Variants in NCOR2 observed in about 807,000 individuals in gnomAD.
NCOR2 encodes nuclear receptor corepressor 2, also known as CTG repeat protein 26.
NCOR2 carries 81 observed loss-of-function variants against 262.9 expected under a neutral mutation model. The observed-to-expected ratio is 0.31, with a 90% CI of 0.26 to 0.37. The LOEUF (loss-of-function observed/expected upper bound fraction) is 0.37. Ranked by LOEUF, NCOR2 falls within the 10% of genes least tolerant of loss-of-function variation. The pLI is 1.00. For missense variants in NCOR2, 3,385 were observed against 3,621.4 expected (o/e 0.93, Z 1.68); for synonymous variants, 1,659 against 1,559.3 (o/e 1.06, Z -1.51).
Position 124,566,109 on chromosome 12 carries a change from C to T in NCOR2, c.-165+1199G>A, listed in dbSNP as rs1430008232. Among the ~76,000 whole-genome samples, 1 of 152,200 alleles carries T rather than the reference C, an allele frequency of 6.6e-6. No individual in the cohort carries two copies. Among genetic ancestry groups the T allele is most frequent in the Non-Finnish European group, 1.5e-5 (1 of 68,036 alleles). On this transcript the variant is annotated intron_variant, in intron 1 of 32. Coordinates refer to the NCOR2 transcript ENST00000458234. The surrounding 1 kb of genome is among the most constrained non-coding windows in gnomAD (Gnocchi z 4.3). ...CCCCCACCCCGCCCACAGGGTCCTC[C>T]CCTTATCCCCTCCTCCCCTCTTCCC...
intron 13 of NCOR2, among the ~76,000 whole-genome samples, chr12:124,409,189 A>G (rs1036843563): frequency 1.3e-5 from 2 of 152,196 alleles, no homozygotes; most frequent in African/African-American, 4.8e-5. Flanking sequence ...TGTAAATCCT[A>G]ATTCAGATCC....
intron 1 of NCOR2, among the ~76,000 whole-genome samples, chr12:124,501,412 A>C (rs2048727508): frequency 6.6e-6 from 1 of 151,668 alleles, no homozygotes; most frequent in African/African-American, 2.4e-5. Flanking sequence ...GGCTTCAAGC[A>C]ACAGAAATGG....
chr12:124,372,123 C>T, exon 20 of NCOR2: 1 of 1,602,050 alleles, frequency 6.2e-7, no homozygotes, highest in South Asian at 1.1e-5. Context: ...CTGTGGTGGC[C>T]CTGCCGCTCC....
In NCOR2 at chr12:124,454,997, C is replaced by A. The variant is rs911180318; in HGVS notation, c.762+2109G>T. ...AAAAGGAACGAAGGACCGACCCACG[C>A]TCGACACGGATGAACCTCGAAAACA... On this transcript the variant is annotated intron_variant, in intron 6 of 46. Coordinates refer to ENST00000405201, the Ensembl canonical transcript of NCOR2. The surrounding 1 kb of genome is among the most constrained non-coding windows in gnomAD (Gnocchi z 5.6). Among the ~76,000 whole-genome samples, 1 of 151,614 alleles carries A rather than the reference C, an allele frequency of 6.6e-6. No homozygotes were observed. The highest frequency in any genetic ancestry group is 2.4e-5 in the African/African-American group (1 of 41,390).
At position 124,369,476 on chromosome 12, in the gene NCOR2, GC is replaced by G. The variant is rs1566405936; in HGVS notation, c.2807+2545del. 5.3e-5 allele frequency among the ~76,000 whole-genome samples: 8 copies of G among 152,112 alleles called. No individual in the cohort carries two copies. The South Asian group carries it at 1.7e-3, about 32-fold the overall frequency. ...GGAGCAGGGGTCGCCTGGGGGGCCC[GC>G]CCGTCCCACCAGCCCTTCCCGGGAG... On this transcript the variant is annotated intron_variant, in intron 20 of 46. Coordinates refer to ENST00000405201, the Ensembl canonical transcript of NCOR2.
intron 32 of NCOR2, 95 bp from the exon 35 acceptor site, chr12:124,343,321 T>A: frequency 1.1e-6 from 1 of 944,006 alleles, no homozygotes; most frequent in East Asian, 2.7e-5. Flanking sequence ...AAGGACCAGG[T>A]CTCTTCATTC....
chr12:124,464,729 G>C (rs1717234052), intron 5 of NCOR2, among the ~76,000 whole-genome samples: 1 of 152,202 alleles, frequency 6.6e-6, no homozygotes, highest in Non-Finnish European at 1.5e-5. Flanking sequence ...AACTGTACTA[G>C]GTGATGCCGT....
intron 1 of NCOR2, among the ~76,000 whole-genome samples, chr12:124,554,427 G>A (rs1228580017): frequency 6.6e-6 from 1 of 152,102 alleles, no homozygotes; most frequent in African/African-American, 2.4e-5. Context: ...TCTCCTCTGG[G>A]AAGCTCCCCT....
At chr12:124,331,352 C>T (rs1190074874) in intron 43 of NCOR2, 3 of 164,882 alleles carry the variant, frequency 1.8e-5, no homozygotes, top group East Asian at 3.5e-4. Context: ...CGTAAGCCAC[C>T]GCGCCTGGCC....
At chr12:124,463,154 G>A (rs1002684951) in intron 5 of NCOR2, among the ~76,000 whole-genome samples, 4 of 152,160 alleles carry the variant, frequency 2.6e-5, no homozygotes, top group Admixed American at 1.3e-4. Flanking sequence ...TCCACACATC[G>A]CTAGCGCTGC....
intron 20 of NCOR2, among the ~76,000 whole-genome samples, chr12:124,367,548 G>C (rs571349417): frequency 6.8e-4 from 103 of 152,324 alleles, no homozygotes; most frequent in African/African-American, 2.3e-3. Context: ...TTGTCCCGTA[G>C]CCATGCTGGA....
chr12:124,418,449 C>T (rs1311684804), intron 13 of NCOR2, among the ~76,000 whole-genome samples: 3 of 140,784 alleles, frequency 2.1e-5, no homozygotes, highest in Admixed American at 7.5e-5. Flanking sequence ...TTATGGGTCT[C>T]GACCTCTGGC....
intron 13 of NCOR2, among the ~76,000 whole-genome samples, chr12:124,410,476 C>G (rs1054954791): frequency 1.3e-5 from 2 of 151,928 alleles, no homozygotes; most frequent in South Asian, 4.2e-4. Flanking sequence ...CACTTCAACC[C>G]TAAAACTGCA....
rs538371211 is a variant in NCOR2, at chr12:124,388,347, C to T, written c.1877-2460G>A. On this transcript the variant is annotated intron_variant, in intron 16 of 46. Transcript: ENST00000405201. ...AAGCCCAGGCAGAGGCTGCCAGGCACGGAGAGAAAGACTTTCTACCCTACC... is the reference window on the plus strand; with the variant it reads ...AAGCCCAGGCAGAGGCTGCCAGGCATGGAGAGAAAGACTTTCTACCCTACC... 9.9e-5 allele frequency among the ~76,000 whole-genome samples: 15 copies of T among 152,222 alleles called. 1 individual carries two copies. The highest frequency in any genetic ancestry group is 9.7e-4 in the East Asian group (5 of 5,168).
chr12:124,411,100 GCT>G (rs2042558734), intron 13 of NCOR2, among the ~76,000 whole-genome samples: 3 of 139,918 alleles, frequency 2.1e-5, no homozygotes, highest in East Asian at 2.1e-4. Flanking sequence ...GAGAGAGAGA[GCT>G]AGAGACAGAG....
exon 47 of NCOR2, chr12:124,325,376 CG>C: frequency 2.3e-6 from 1 of 426,508 alleles, no homozygotes; most frequent in African/African-American, 4.2e-5. Flanking sequence ...GACCTGACAC[CG>C]CCCCCCCCCC....
intron 8 of NCOR2, among the ~76,000 whole-genome samples, chr12:124,436,781 T>C (rs571050487): frequency 2.6e-5 from 4 of 151,880 alleles, no homozygotes; most frequent in East Asian, 3.9e-4. Context: ...ACATAAGGAG[T>C]TGAAAAAACT....
chr12:124,400,565 G>A, exon 15 of NCOR2: 8 of 1,614,224 alleles, frequency 5.0e-6, no homozygotes, highest in Non-Finnish European at 6.8e-6. Flanking sequence ...CCATTGAGCG[G>A]GTGATGCGGC....
At chr12:124,473,845 G>C (rs190588077) in intron 3 of NCOR2, among the ~76,000 whole-genome samples, 8 of 152,114 alleles carry the variant, frequency 5.3e-5, no homozygotes, top group African/African-American at 1.9e-4. Context: ...AATACACCCC[G>C]GGTTTCCATC....
Sources: gnomAD v4.1 joint callset for allele counts (sites outside exome capture counted in the v4.1 genomes callset) on GRCh38, gnomAD v4.1.1 for gene constraint, Gnocchi (gnomAD v3.1) non-coding constraint, MANE v1.5 for transcripts, NCBI Gene and HGNC (gene_info 2026-07-23, HGNC 2026-07-21) for gene names.